CD55: variants seen among roughly 807,000 people sequenced by gnomAD.
The protein encoded by CD55 is CD55 molecule (Cromer blood group).
CD55 carries 41 observed loss-of-function variants against 45.8 expected under a neutral mutation model. The ratio of observed to expected loss-of-function variants is 0.90; its 90% confidence interval spans 0.70 to 1.16. The LOEUF is 1.16. CD55 is among the 50% of genes most tolerant of loss of function. The pLI is 0.00. For missense variants in CD55, 416 were observed against 469.8 expected (o/e 0.89, Z 1.06); for synonymous variants, 181 against 181.1 (o/e 1.00, Z 0.01).
intron 5 of CD55, among the ~76,000 whole-genome samples, chr1:207,330,822 C>T (rs940402027): frequency 2.0e-5 from 3 of 152,264 alleles, no homozygotes; most frequent in Admixed American, 6.5e-5. Flanking sequence ...TTGATATGCA[C>T]ACATCTTACT....
intron 4 of CD55, among the ~76,000 whole-genome samples, 198 bp downstream of exon 4, chr1:207,325,919 C>G (rs756237389): frequency 2.6e-5 from 4 of 152,232 alleles, no homozygotes; most frequent in Non-Finnish European, 4.4e-5. Context: ...ATTTCTTAAA[C>G]CACCAGAATT....
At position 207,336,822 on chromosome 1, in the gene CD55, C is replaced by T; in HGVS notation, c.979+4C>T. The T allele has an allele frequency of 6.2e-7, 1 of 1,613,746 alleles. No individual in the cohort carries two copies. Among genetic ancestry groups the T allele is most frequent in the Non-Finnish European group, 8.5e-7 (1 of 1,179,768 alleles). The stretch of plus-strand genomic sequence containing the variant: ...ACCACCACACCAAATGCTCAAGGTA[C>T]AGAGACTCCATCAGTTCTTCAAAAA... On this transcript the variant is annotated splice_donor_region_variant and intron_variant, in intron 7 of 9. Transcript: ENST00000367064.
chr1:207,336,748 T>C lies in CD55; in HGVS notation c.909T>C (p.Asn303=). Residue 303 remains asparagine (N), a synonymous_variant, in exon 7 of 10, where the codon AAT becomes AAC. Coordinates refer to ENST00000367064, the MANE Select transcript of CD55 (RefSeq NM_000574.5). The part of the protein sequence containing the change: ...PPTVQKPTTV[N]VPTTEVSPTS... The stretch of plus-strand genomic sequence containing the variant: ...CAGTTCAGAAACCTACCACAGTAAA[T>C]GTTCCAACTACAGAAGTCTCACCAA... 1 of 1,613,886 alleles carries C rather than the reference T, an allele frequency of 6.2e-7. No homozygotes were observed. The highest frequency in any genetic ancestry group is 1.3e-5 in the African/African-American group (1 of 75,006).
chr1:207,333,499 G>A (rs75565951), intron 6 of CD55, among the ~76,000 whole-genome samples: 13,099 of 152,224 alleles, frequency 0.086, 736 homozygotes, highest in Middle Eastern at 0.13. Flanking sequence ...CATATCATCC[G>A]GATGGTTTAT....
intron 5 of CD55, among the ~76,000 whole-genome samples, chr1:207,327,942 A>G (rs1207233830): frequency 6.6e-6 from 1 of 152,148 alleles, no homozygotes; most frequent in Non-Finnish European, 1.5e-5. Context: ...TTCGTTGTCC[A>G]GTAAGAGACA....
chr1:207,357,688 A>G (rs781450617), intron 9 of CD55, among the ~76,000 whole-genome samples: 1 of 152,096 alleles, frequency 6.6e-6, no homozygotes. Context: ...TGATACTTGT[A>G]TGTCCTATTA....
chr1:207,340,563 G>T (rs1225768068), intron 9 of CD55: 1 of 698,076 alleles, frequency 1.4e-6, no homozygotes, highest in Admixed American at 2.0e-5. Context: ...GTAGAGACAG[G>T]ATTTTCCTAT....
intron 9 of CD55, among the ~76,000 whole-genome samples, chr1:207,342,553 G>A (rs963988917): frequency 1.3e-5 from 2 of 152,012 alleles, no homozygotes; most frequent in African/African-American, 2.4e-5. Context: ...ATCCCACTTG[G>A]TCTTGGCATA....
chr1:207,357,759 T>TG (rs1215731455), intron 9 of CD55, among the ~76,000 whole-genome samples: 2 of 152,060 alleles, frequency 1.3e-5, no homozygotes. Flanking sequence ...TATCCTCGGT[T>TG]GGGGGGCAGG....
intron 6 of CD55, among the ~76,000 whole-genome samples, chr1:207,335,683 C>T (rs1365245039): frequency 1.3e-5 from 2 of 152,004 alleles, no homozygotes; most frequent in Admixed American, 6.6e-5. Context: ...AGGCGTTTTA[C>T]TCAATTTATC....
chr1:207,348,396 G>C (rs1274004381), intron 9 of CD55, among the ~76,000 whole-genome samples: 1 of 151,910 alleles, frequency 6.6e-6, no homozygotes, highest in Admixed American at 6.6e-5. Flanking sequence ...TATGTCCTTT[G>C]CCCATTTTTT....
chr1:207,336,135 C>G (rs1655162383), intron 6 of CD55, among the ~76,000 whole-genome samples: 1 of 152,080 alleles, frequency 6.6e-6, no homozygotes, highest in African/African-American at 2.4e-5. Flanking sequence ...GACTTGTTAT[C>G]TAGTCTGAAA....
chr1:207,346,681 G>T (rs573242020), intron 9 of CD55, among the ~76,000 whole-genome samples: 4 of 152,172 alleles, frequency 2.6e-5, no homozygotes, highest in African/African-American at 7.2e-5. Flanking sequence ...GTGTCAGGTC[G>T]CTGCCAGTGG....
chr1:207,331,442 C>G (rs1654942033), intron 6 of CD55, 146 bp downstream of exon 6: 1 of 648,482 alleles, frequency 1.5e-6, no homozygotes, highest in African/African-American at 1.8e-5. Context: ...CACAATTTTT[C>G]TACAGCTTCT....
At chr1:207,347,524 T>A in intron 9 of CD55, 1 of 285,976 alleles carries the variant, frequency 3.5e-6, no homozygotes, top group Non-Finnish European at 7.1e-6. Context: ...CCTCCCAAAG[T>A]GCTGGGATTA....
intron 5 of CD55, among the ~76,000 whole-genome samples, chr1:207,327,566 T>C (rs965565373): frequency 6.6e-6 from 1 of 152,198 alleles, no homozygotes; most frequent in African/African-American, 2.4e-5. Flanking sequence ...CATTTTAAAA[T>C]GTAGGCTTGC....
chr1:207,329,030 C>A (rs1017746546), intron 5 of CD55, among the ~76,000 whole-genome samples: 1 of 152,194 alleles, frequency 6.6e-6, no homozygotes, highest in Non-Finnish European at 1.5e-5. Flanking sequence ...TAACTTGTAT[C>A]CACCCTCCAT....
chr1:207,325,669 G>A lies in CD55; in HGVS notation c.526G>A (p.Val176Ile). ...PGEIRNGQID[V>I]PGGILFGATI... ...AGAAATACGAAATGGTCAGATTGAT[G>A]TACCAGGTGGCATATTATTTGGTGC... The change falls in exon 4 of 10, where the codon GTA (valine) becomes ATA (isoleucine). Residue 176 changes from valine to isoleucine, a missense_variant. Val to Ile is a conservative substitution (Grantham distance 29). Around this residue, in one of 3 missense-constraint regions of CD55, gnomAD observed 111 missense variants for 163.4 expected, o/e 0.68. Coordinates refer to ENST00000367064, the MANE Select transcript of CD55 (RefSeq NM_000574.5). 6.2e-7 allele frequency: 1 copy of A among 1,610,956 alleles called. No homozygotes were observed. Among genetic ancestry groups the A allele is most frequent in the Non-Finnish European group, 8.5e-7 (1 of 1,178,068 alleles).
In CD55 at chr1:207,326,770, G is replaced by A. The variant is rs765247702; in HGVS notation, c.597G>A (p.Ser199=). ...GCTTTAGGTACAAATTATTTGGCTC[G>A]ACTTCTAGTTTTTGTCTTATTTCAG... ...SCNTGYKLFG[S]TSSFCLISGS... Residue 199 remains serine (S), a synonymous_variant, in exon 5 of 10, where the codon TCG becomes TCA. Transcript: ENST00000367064. 6.2e-6 allele frequency: 10 copies of A among 1,613,094 alleles called. No homozygotes were observed. The African/African-American group carries it at 8.0e-5, about 13-fold the overall frequency.
Sources: gnomAD v4.1 joint callset for allele counts (sites outside exome capture counted in the v4.1 genomes callset) on GRCh38, gnomAD v4.1.1 for gene constraint, gnomAD v4.1.1 regional missense constraint, MANE v1.5 for transcripts, NCBI Gene and HGNC (gene_info 2026-07-23, HGNC 2026-07-21) for gene names.